The following NKAIN4 variants were observed in gnomAD, a reference collection of about 807,000 sequenced individuals.
The protein encoded by NKAIN4 is sodium/potassium-transporting ATPase subunit beta-1-interacting protein 4.
A neutral mutation model predicts 28.8 loss-of-function variants in NKAIN4; 28 were observed. The observed-to-expected ratio is 0.97, with a 90% confidence interval of 0.72 to 1.33. The LOEUF (loss-of-function observed/expected upper bound fraction) is 1.33. Ranked by LOEUF, NKAIN4 falls within the 40% of genes most tolerant of loss-of-function variation. The pLI, the probability that NKAIN4 is intolerant of heterozygous loss-of-function variation, is 0.00. For missense variants in NKAIN4, 289 were observed against 277.2 expected (o/e 1.04, Z -0.30); for synonymous variants, 122 against 115.6 (o/e 1.06, Z -0.36).
chr20:63,247,996 A>C, intron 3 of NKAIN4: 1 of 481,760 alleles, frequency 2.1e-6, no homozygotes, highest in East Asian at 3.6e-5. Context: ...CGACCCACAC[A>C]CCTCCTCCTC....
intron 6 of NKAIN4, among the ~76,000 whole-genome samples, chr20:63,242,213 C>A (rs144361005): frequency 6.6e-6 from 1 of 152,138 alleles, no homozygotes; most frequent in South Asian, 2.1e-4. Flanking sequence ...ACCCCCATGC[C>A]GCCTGCTGGG....
At chr20:63,244,459 G>A (rs372430382) in intron 4 of NKAIN4, 5 of 483,376 alleles carry the variant, frequency 1.0e-5, no homozygotes, top group African/African-American at 2.0e-5. Flanking sequence ...GCGTCCCCTC[G>A]GGCCTCTTGC....
chr20:63,241,385 G>T lies in NKAIN4; in HGVS notation c.*112C>A. 3 of 1,187,588 alleles carry T rather than the reference G, an allele frequency of 2.5e-6. No individual in the cohort carries two copies. The highest frequency in any genetic ancestry group is 3.7e-6 in the Non-Finnish European group (3 of 818,718). 73.6% of individuals were successfully genotyped at this position (1,187,588 alleles called of 1,614,324 possible). On this transcript the variant is annotated 3_prime_UTR_variant, in exon 7 of 7. Transcript: ENST00000370316. ...GAACCCAGGGCAGGTGCTGCCGGCC[G>T]CCTGGGGGGTGCTGGGTGGGGGCGC...
intron 1 of NKAIN4, chr20:63,253,839 G>A (rs1342990631): frequency 6.5e-6 from 1 of 152,888 alleles, no homozygotes; most frequent in East Asian, 1.9e-4. Context: ...CGGAATGGGG[G>A]GCGGCGGGGG....
intron 5 of NKAIN4, 165 bp downstream of exon 5, chr20:63,243,859 G>A (rs1485514607): frequency 1.8e-5 from 11 of 608,960 alleles, no homozygotes; most frequent in Non-Finnish European, 3.0e-5. Context: ...TCCCTGGTGT[G>A]TGGCGAGTCC....
chr20:63,244,175 CCT>C, intron 4 of NKAIN4, 91 bp from the exon 5 acceptor site: 1 of 1,152,362 alleles, frequency 8.7e-7, no homozygotes, highest in Non-Finnish European at 1.3e-6. Flanking sequence ...CTGGAGCGCC[CCT>C]GACCACCAAG....
intron 1 of NKAIN4, among the ~76,000 whole-genome samples, chr20:63,253,740 C>A (rs1176114562): frequency 2.6e-5 from 4 of 152,170 alleles, no homozygotes; most frequent in African/African-American, 9.6e-5. Context: ...CCGAGGGAGC[C>A]CCGACCAATC....
intron 3 of NKAIN4, 96 bp from the exon 4 acceptor site, chr20:63,247,871 G>C (rs1003003537): frequency 9.4e-6 from 13 of 1,386,508 alleles, no homozygotes; most frequent in Non-Finnish European, 1.1e-5. Flanking sequence ...CCGAGGCAAG[G>C]GGAGGTCCTG....
Position 63,252,715 on chromosome 20 carries a change from G to A in NKAIN4, c.54+1682C>T, listed in dbSNP as rs1197517935. On this transcript the variant is annotated intron_variant, in intron 1 of 6. Coordinates refer to ENST00000370316, the MANE Select transcript of NKAIN4 (RefSeq NM_152864.4). This position sits in a 1 kb window ranked among gnomAD's most constrained non-coding sequence, Gnocchi z 4.6. The stretch of plus-strand genomic sequence containing the variant: ...CTGGAGAGTCCCCAGGTCTGCTAGT[G>A]AAGCCCTGCGGCCCTCAAGCCAGGA... Among the ~76,000 whole-genome samples the A allele has an allele frequency of 1.3e-5, 2 of 152,168 alleles. No homozygotes were observed. The highest frequency in any genetic ancestry group is 4.8e-5 in the African/African-American group (2 of 41,426).
chr20:63,253,361 C>T, intron 1 of NKAIN4: 5 of 985,414 alleles, frequency 5.1e-6, no homozygotes, highest in Non-Finnish European at 6.0e-6. Flanking sequence ...GACACGATGC[C>T]TCCGCCGTCC....
rs115609303 is a variant in NKAIN4 at position 63,245,281 on chromosome 20, G to A, written c.472-1197C>T. 5.9e-3 allele frequency among the ~76,000 whole-genome samples: 903 copies of A among 152,268 alleles called. 9 individuals carry two copies. Among genetic ancestry groups the A allele is most frequent in the African/African-American group, 0.02 (842 of 41,542 alleles). On this transcript the variant is annotated intron_variant, in intron 4 of 6. Transcript: ENST00000370316. This position sits in a 1 kb window ranked among gnomAD's most constrained non-coding sequence, Gnocchi z 4.7. ...ATGGCCATTTCTGGTTCCATGCCAC[G>A]GCCAGGGTGGGAGCAGCGGTGAGGG...
At chr20:63,243,934 T>G in intron 5 of NKAIN4, 90 bp downstream of exon 5, 1 of 1,085,700 alleles carries the variant, frequency 9.2e-7, no homozygotes, top group Non-Finnish European at 1.4e-6. Flanking sequence ...AGTGGGGAGG[T>G]CTCTCGCCTT....
In NKAIN4 at chr20:63,240,863, T is replaced by A. The variant is rs1394869774; in HGVS notation, c.*634A>T. ...GGGACTGTTTGCCCAAGAGCCCCCT[T>A]TACAAGAGTACTGCCTGCTCGTCAC... On this transcript the variant is annotated 3_prime_UTR_variant, in exon 7 of 7. Transcript: ENST00000370316. 1 of 152,528 alleles carries A rather than the reference T, an allele frequency of 6.6e-6. No homozygotes were observed. The allele number at this position is 152,528 out of a possible 1,614,324, so 9.4% of individuals were successfully genotyped here.
upstream of NKAIN4, chr20:63,254,605 A>T (rs559690731): frequency 3.9e-6 from 2 of 509,896 alleles, no homozygotes; most frequent in South Asian, 9.2e-5. Context: ...AGCCCCGGGT[A>T]ACAGCTGCGC....
intron 4 of NKAIN4, 81 bp downstream of exon 4, chr20:63,247,497 C>G (rs985338715): frequency 1.9e-6 from 3 of 1,548,710 alleles, no homozygotes; most frequent in Admixed American, 2.0e-5. Flanking sequence ...CTGGCCCCGC[C>G]TCAGGGAGAT....
chr20:63,253,316 G>C (rs2123138851), intron 1 of NKAIN4: 1 of 985,416 alleles, frequency 1.0e-6, no homozygotes, highest in Non-Finnish European at 1.2e-6. Flanking sequence ...AGCCTCCCAG[G>C]AAAGCGCCGG....
rs573400573 is a variant in NKAIN4, at chr20:63,247,067, T to C, written c.471+511A>G. On this transcript the variant is annotated intron_variant, in intron 4 of 6. Transcript: ENST00000370316. ...CACAGAATCCCTGTCCGGTCAGACCTGGGTCACGTGGCGCCAGCCTTGCCA... is the reference window on the plus strand; with the variant it reads ...CACAGAATCCCTGTCCGGTCAGACCCGGGTCACGTGGCGCCAGCCTTGCCA... The C allele has an allele frequency of 3.9e-6, 4 of 1,026,488 alleles. No individual in the cohort carries two copies. The South Asian group carries it at 1.5e-4, about 37-fold the overall frequency. The allele number at this position is 1,026,488 out of a possible 1,614,324, so 63.6% of individuals were successfully genotyped here.
intron 1 of NKAIN4, chr20:63,254,143 TC>T (rs1203253619): frequency 1.2e-5 from 5 of 416,740 alleles, no homozygotes; most frequent in Non-Finnish European, 2.1e-5. Context: ...CCCGCACCTG[TC>T]CCCGCCGCTC....
chr20:63,254,481 GCCCCGCGCTCGGCCCCCGC>G (rs1040653639), upstream of NKAIN4: 9 of 1,293,530 alleles, frequency 7.0e-6, no homozygotes, highest in African/African-American at 1.4e-4. Flanking sequence ...GCCCCCGGGT[GCCCCGCGCTCGGCCCCCGC>G]CCCCGCTCCG....
Sources: gnomAD v4.1 joint callset for allele counts (sites outside exome capture counted in the v4.1 genomes callset) on GRCh38, gnomAD v4.1.1 for gene constraint, Gnocchi (gnomAD v3.1) non-coding constraint, MANE v1.5 for transcripts, NCBI Gene and HGNC (gene_info 2026-07-23, HGNC 2026-07-21) for gene names.